Variants in SYT16 observed in about 807,000 individuals in gnomAD.
SYT16 encodes synaptotagmin 16.
Under a neutral mutation model 61.4 loss-of-function variants are expected in SYT16, and 42 were observed. The observed-to-expected ratio is 0.68, with a 90% CI of 0.53 to 0.89. The LOEUF is 0.89. Among genes scored for constraint, SYT16 ranks in the 40% least tolerant of loss-of-function variants. The probability of loss-of-function intolerance (pLI) is 0.00; values close to 1 mark genes in which losing one functional copy is unlikely to be tolerated. For missense variants in SYT16, 804 were observed against 807.3 expected (o/e 1.00, Z 0.05); for synonymous variants, 314 against 302.3 (o/e 1.04, Z -0.40).
At chr14:61,840,108 G>A (rs1309372909) in intron 1 of SYT16, among the ~76,000 whole-genome samples, 1 of 152,082 alleles carries the variant, frequency 6.6e-6, no homozygotes, top group Admixed American at 6.6e-5. Flanking sequence ...AGGGAATAAG[G>A]GAGAAAATAA....
At chr14:61,989,054 A>G (rs915208953) in intron 2 of SYT16, among the ~76,000 whole-genome samples, 1 of 152,150 alleles carries the variant, frequency 6.6e-6, no homozygotes, top group Non-Finnish European at 1.5e-5. Flanking sequence ...GGGAAGGCCA[A>G]TATCTTCCAC....
chr14:62,058,323 T>C (rs1245008763), intron 3 of SYT16, among the ~76,000 whole-genome samples: 1 of 150,620 alleles, frequency 6.6e-6, no homozygotes, highest in Non-Finnish European at 1.5e-5. Context: ...TGGTCAAATG[T>C]ATGTTATGTT....
chr14:62,085,801 A>C (rs566637897), intron 7 of SYT16, among the ~76,000 whole-genome samples: 1 of 152,262 alleles, frequency 6.6e-6, no homozygotes, highest in African/African-American at 2.4e-5. Flanking sequence ...TTTAGAATGC[A>C]TAATAGATGC....
intron 1 of SYT16, among the ~76,000 whole-genome samples, chr14:61,878,956 A>T (rs2047595659): frequency 6.6e-6 from 1 of 152,150 alleles, no homozygotes; most frequent in African/African-American, 2.4e-5. Context: ...CTTAGTTTGT[A>T]ATGTTTATAT....
chr14:61,925,439 A>C (rs754728161), intron 1 of SYT16, among the ~76,000 whole-genome samples: 1 of 152,224 alleles, frequency 6.6e-6, no homozygotes, highest in African/African-American at 2.4e-5. Flanking sequence ...TGGACACAAA[A>C]TGGTGTATTA....
intron 5 of SYT16, among the ~76,000 whole-genome samples, chr14:62,076,720 A>G (rs1016027139): frequency 2.0e-5 from 3 of 152,234 alleles, no homozygotes; most frequent in African/African-American, 7.2e-5. Flanking sequence ...ACCAAGCCGT[A>G]TCAAATCCCA....
chr14:62,051,986 C>T (rs1374539240), intron 3 of SYT16, among the ~76,000 whole-genome samples: 2 of 152,192 alleles, frequency 1.3e-5, no homozygotes, highest in East Asian at 1.9e-4. Context: ...GAGCTATGCA[C>T]TCCAGCCTGG....
chr14:62,099,897 G>GTC (rs768870049), intron 7 of SYT16, among the ~76,000 whole-genome samples: 1 of 151,420 alleles, frequency 6.6e-6, no homozygotes, highest in Non-Finnish European at 1.5e-5. Context: ...CTGTCTGTCT[G>GTC]TCTCTCTCTC....
chr14:62,051,744 A>T (rs1176527674), intron 3 of SYT16, among the ~76,000 whole-genome samples: 2 of 152,198 alleles, frequency 1.3e-5, no homozygotes, highest in Non-Finnish European at 2.9e-5. Context: ...TATTGTTAAA[A>T]CATGCAGTTT....
At chr14:61,973,937 C>T (rs149729579) in intron 2 of SYT16, among the ~76,000 whole-genome samples, 10 of 152,214 alleles carry the variant, frequency 6.6e-5, no homozygotes, top group East Asian at 1.9e-4. Context: ...CCAGTCAGGC[C>T]GGTTGTGATA....
intron 1 of SYT16, among the ~76,000 whole-genome samples, chr14:61,958,498 T>C (rs2050975407): frequency 6.6e-6 from 1 of 152,062 alleles, no homozygotes; most frequent in Admixed American, 6.6e-5. Context: ...ATTAATTTCC[T>C]TTTTGATTCA....
intron 1 of SYT16, among the ~76,000 whole-genome samples, chr14:61,819,984 A>G (rs2045563192): frequency 6.6e-6 from 1 of 152,204 alleles, no homozygotes; most frequent in African/African-American, 2.4e-5. Context: ...GTACCTCCCC[A>G]TAGGGTGTAC....
At chr14:62,032,954 A>G (rs1267220053) in intron 3 of SYT16, among the ~76,000 whole-genome samples, 1 of 152,032 alleles carries the variant, frequency 6.6e-6, no homozygotes, top group Admixed American at 6.6e-5. Context: ...AAATATAGCA[A>G]CTGTTAAATG....
rs2057445682 is a variant in SYT16 at position 62,102,743 on chromosome 14, A to G, written c.*2036A>G. ...TTACATTTGAAAAAAATCTGTATAT[A>G]TTGTACAGACAGCCCTGAATTTTTC... On this transcript the variant is annotated 3_prime_UTR_variant, in exon 8 of 8. Coordinates refer to ENST00000683842, the MANE Select transcript of SYT16 (RefSeq NM_001367656.1). 6.6e-6 allele frequency: 1 copy of G among 152,170 alleles called. No homozygotes were observed. The highest frequency in any genetic ancestry group is 2.4e-5 in the African/African-American group (1 of 41,442). 9.4% of individuals were successfully genotyped at this position (152,170 alleles called of 1,614,324 possible).
intron 3 of SYT16, among the ~76,000 whole-genome samples, chr14:62,001,206 TA>T (rs1332689197): frequency 6.6e-6 from 1 of 152,138 alleles, no homozygotes; most frequent in African/African-American, 2.4e-5. Context: ...CATTTATGTT[TA>T]AAAATATTTT....
intron 1 of SYT16, among the ~76,000 whole-genome samples, chr14:61,902,037 A>G (rs999211745): frequency 1.3e-5 from 2 of 152,182 alleles, no homozygotes; most frequent in African/African-American, 4.8e-5. Context: ...TGCTGAGACT[A>G]TAGGGGTGAG....
At chr14:61,914,040 C>T (rs1394539175) in intron 1 of SYT16, among the ~76,000 whole-genome samples, 12 of 152,126 alleles carry the variant, frequency 7.9e-5, no homozygotes, top group Admixed American at 7.2e-4. Flanking sequence ...AGGATAGCCT[C>T]TCCTATTTTT....
chr14:61,882,790 A>G lies in SYT16; in HGVS notation c.-325+69980A>G, dbSNP rs1436172218. Among the ~76,000 whole-genome samples the G allele has an allele frequency of 3.3e-5, 5 of 152,366 alleles. No homozygotes were observed. The South Asian group carries it at 6.2e-4, about 19-fold the overall frequency. On this transcript the variant is annotated intron_variant, in intron 1 of 7. Coordinates refer to ENST00000683842, the MANE Select transcript of SYT16 (RefSeq NM_001367656.1). The stretch of plus-strand genomic sequence containing the variant: ...AGCAAGTTAGTTACTTTCTAGATAC[A>G]ATGGGAGTACAGGCATTGGGTAAAT...
chr14:61,909,196 G>T (rs1861332525), intron 1 of SYT16, among the ~76,000 whole-genome samples: 1 of 152,120 alleles, frequency 6.6e-6, no homozygotes, highest in African/African-American at 2.4e-5. Context: ...AGGTGCTTTG[G>T]ACTACAGGCA....
Sources: gnomAD v4.1 joint callset for allele counts (sites outside exome capture counted in the v4.1 genomes callset) on GRCh38, gnomAD v4.1.1 for gene constraint, MANE v1.5 for transcripts, NCBI Gene and HGNC (gene_info 2026-07-23, HGNC 2026-07-21) for gene names.